The following CNIH3 variants were observed in gnomAD, a reference collection of about 807,000 sequenced individuals.
CNIH3 encodes cornichon family AMPA receptor auxiliary protein 3.
CNIH3 carries 14 observed loss-of-function variants against 24.1 expected under a neutral mutation model. The observed-to-expected ratio is 0.58, with a 90% CI of 0.38 to 0.91. The LOEUF is 0.91. Ranked by LOEUF, CNIH3 falls within the 40% of genes least tolerant of loss-of-function variation. The probability of loss-of-function intolerance (pLI) is 0.00; values close to 1 mark genes in which losing one functional copy is unlikely to be tolerated. For synonymous variants in CNIH3, 68 were observed against 73.8 expected (o/e 0.92, Z 0.40); for missense variants, 178 against 196.8 (o/e 0.90, Z 0.57).
Position 224,684,202 on chromosome 1 carries a change from C to T in CNIH3, c.151-594C>T, listed in dbSNP as rs570996540. Among the ~76,000 whole-genome samples the T allele has an allele frequency of 1.3e-5, 2 of 152,372 alleles. No individual in the cohort carries two copies. The highest frequency in any genetic ancestry group is 4.1e-4 in the South Asian group (2 of 4,830). On this transcript the variant is annotated intron_variant, in intron 2 of 5. Coordinates refer to ENST00000272133, the MANE Select transcript of CNIH3 (RefSeq NM_152495.2). The surrounding 1 kb of genome is among the most constrained non-coding windows in gnomAD (Gnocchi z 4.2). ...GCCCAGCCACGGGCCATCATCTCAT[C>T]TTCCCTTGGCAGTGAGCCAGGCCTT... is the stretch of plus-strand genomic sequence containing the variant.
chr1:224,560,276 A>G (rs1680310312), intron 3 of CNIH3, among the ~76,000 whole-genome samples: 1 of 152,214 alleles, frequency 6.6e-6, no homozygotes, highest in Admixed American at 6.5e-5. Flanking sequence ...CAGGATGAGC[A>G]ATATTGAGTG....
intron 1 of CNIH3, among the ~76,000 whole-genome samples, chr1:224,508,128 G>T (rs894020888): frequency 2.0e-5 from 3 of 152,172 alleles, no homozygotes; most frequent in Non-Finnish European, 4.4e-5. Context: ...AATGTATTTG[G>T]CAATAGATAA....
chr1:224,671,305 G>A (rs756532776), intron 1 of CNIH3, among the ~76,000 whole-genome samples: 12 of 152,222 alleles, frequency 7.9e-5, no homozygotes, highest in Non-Finnish European at 1.5e-4. Context: ...TGTGCTGGTT[G>A]GAAGTTCAAC....
chr1:224,731,008 C>A (rs1242743442), intron 4 of CNIH3, among the ~76,000 whole-genome samples: 1 of 152,124 alleles, frequency 6.6e-6, no homozygotes, highest in Non-Finnish European at 1.5e-5. Context: ...ACACAAAAGG[C>A]CACATATTTC....
At chr1:224,664,493 A>G (rs1685506611) in intron 1 of CNIH3, among the ~76,000 whole-genome samples, 1 of 152,142 alleles carries the variant, frequency 6.6e-6, no homozygotes, top group Non-Finnish European at 1.5e-5. Context: ...CATATTTTGT[A>G]TTCAGTACTT....
At chr1:224,611,097 G>A (rs562699425) in intron 3 of CNIH3, among the ~76,000 whole-genome samples, 1 of 151,834 alleles carries the variant, frequency 6.6e-6, no homozygotes, top group Non-Finnish European at 1.5e-5. Context: ...CTTGCAACTA[G>A]GTAGTGGCGG....
chr1:224,739,269 G>T, intron 5 of CNIH3, 60 bp from the exon 6 acceptor site: 1 of 1,558,190 alleles, frequency 6.4e-7, no homozygotes, highest in Non-Finnish European at 8.7e-7. Flanking sequence ...TGAGTCCTCT[G>T]TGGGCTTCTA....
At chr1:224,678,232 G>A (rs955331882) in intron 1 of CNIH3, among the ~76,000 whole-genome samples, 16 of 152,324 alleles carry the variant, frequency 1.1e-4, no homozygotes, top group African/African-American at 2.9e-4. Flanking sequence ...CAATGCTTGT[G>A]CAGAATGAGG....
At chr1:224,536,188 A>G (rs374538135) in intron 2 of CNIH3, among the ~76,000 whole-genome samples, 1 of 151,058 alleles carries the variant, frequency 6.6e-6, no homozygotes, top group African/African-American at 2.4e-5. Context: ...CTTTCCAAGG[A>G]TATGCCTAGT....
intron 1 of CNIH3, among the ~76,000 whole-genome samples, chr1:224,673,854 G>A (rs773214338): frequency 4.0e-5 from 6 of 151,742 alleles, no homozygotes; most frequent in Admixed American, 6.6e-5. Context: ...CTTTTTACCC[G>A]TTCAAGTCAC....
chr1:224,521,382 G>T (rs1011762418), intron 2 of CNIH3: 7 of 152,268 alleles, frequency 4.6e-5, no homozygotes, highest in African/African-American at 1.7e-4. Flanking sequence ...CAAGTTTTAA[G>T]ATGCTTTCAA....
At chr1:224,620,877 G>A (rs1683247784) in intron 1 of CNIH3, among the ~76,000 whole-genome samples, 1 of 152,222 alleles carries the variant, frequency 6.6e-6, no homozygotes, top group South Asian at 2.1e-4. Flanking sequence ...GGAAAAAAAA[G>A]CGTTCTAAAG....
intron 3 of CNIH3, among the ~76,000 whole-genome samples, chr1:224,601,247 G>T (rs913817475): frequency 6.6e-6 from 1 of 152,152 alleles, no homozygotes; most frequent in East Asian, 1.9e-4. Flanking sequence ...TGGGCTGTCC[G>T]CATGCTCAGT....
intron 3 of CNIH3, among the ~76,000 whole-genome samples, chr1:224,690,082 G>A (rs1686858167): frequency 6.6e-6 from 1 of 152,192 alleles, no homozygotes; most frequent in Non-Finnish European, 1.5e-5. Context: ...TAACTTAAAT[G>A]TGAGCCCAAA....
At position 224,721,698 on chromosome 1, in the gene CNIH3, G is replaced by A. The variant is rs145370464; in HGVS notation, c.199-8764G>A. Among the ~76,000 whole-genome samples, 860 of 152,272 alleles carry A rather than the reference G, an allele frequency of 5.6e-3. 7 individuals carry two copies. Among genetic ancestry groups the A allele is most frequent in the African/African-American group, 0.019 (790 of 41,544 alleles). ...GGAATCCAAAGGTTTGGTCCTAAAA[G>A]GAAGCTGTCCCCTTACAGATCTATA... On this transcript the variant is annotated intron_variant, in intron 3 of 5. Coordinates refer to ENST00000272133, the MANE Select transcript of CNIH3 (RefSeq NM_152495.2).
At chr1:224,685,636 C>G (rs1013220282) in intron 3 of CNIH3, among the ~76,000 whole-genome samples, 1 of 152,166 alleles carries the variant, frequency 6.6e-6, no homozygotes, top group Non-Finnish European at 1.5e-5. Context: ...TTTTTTGAGC[C>G]TTACATGAAT....
intron 1 of CNIH3, among the ~76,000 whole-genome samples, chr1:224,648,118 G>A (rs992528222): frequency 9.2e-5 from 14 of 152,136 alleles, no homozygotes; most frequent in African/African-American, 3.4e-4. Context: ...GGTAGTGGGC[G>A]GCTGGGCGCA....
intron 1 of CNIH3, among the ~76,000 whole-genome samples, chr1:224,635,087 C>G (rs1031186028): frequency 6.6e-6 from 1 of 152,060 alleles, no homozygotes; most frequent in Non-Finnish European, 1.5e-5. Context: ...GCTGGAGAGG[C>G]CTCAGGAAAC....
At chr1:224,462,060 G>A (rs557746172) in intron 1 of CNIH3, among the ~76,000 whole-genome samples, 4 of 152,072 alleles carry the variant, frequency 2.6e-5, no homozygotes, top group Admixed American at 2.6e-4. Flanking sequence ...AAAGTACAGG[G>A]TGTTCTCATA....
Sources: allele counts gnomAD v4.1 joint callset (sites outside exome capture counted in the v4.1 genomes callset), GRCh38; gene constraint gnomAD v4.1.1; non-coding constraint Gnocchi (gnomAD v3.1); transcripts MANE v1.5; gene names NCBI Gene and HGNC (gene_info 2026-07-23, HGNC 2026-07-21).